The following KIF26B variants were observed in gnomAD, a reference collection of about 807,000 sequenced individuals.
The protein encoded by KIF26B is kinesin-like protein KIF26B.
KIF26B carries 63 observed loss-of-function variants against 151.2 expected under a neutral mutation model. That is an observed-to-expected ratio of 0.42 (90% CI 0.34 to 0.51). KIF26B has a LOEUF of 0.51. Among genes scored for constraint, KIF26B ranks in the 20% least tolerant of loss-of-function variants. The probability of loss-of-function intolerance (pLI) is 0.07; values close to 1 mark genes in which losing one functional copy is unlikely to be tolerated. For missense variants in KIF26B, 2,813 were observed against 2,913.6 expected, an observed-to-expected ratio of 0.97 and a Z score of 0.79; for synonymous variants, 1,357 against 1,262.1, an observed-to-expected ratio of 1.08 and a Z score of -1.59.
intron 2 of KIF26B, among the ~76,000 whole-genome samples, chr1:245,202,601 A>C (rs530648013): frequency 7.9e-5 from 12 of 152,204 alleles, no homozygotes; most frequent in African/African-American, 2.9e-4. Context: ...TTTACTAAAA[A>C]TACAAAAAAT....
chr1:245,215,207 A>G (rs1669619708), intron 2 of KIF26B, among the ~76,000 whole-genome samples: 1 of 152,118 alleles, frequency 6.6e-6, no homozygotes, highest in Admixed American at 6.5e-5. Flanking sequence ...TCTGGGTGCC[A>G]GATGGCAGCC....
intron 2 of KIF26B, among the ~76,000 whole-genome samples, chr1:245,321,247 T>A (rs1008859473): frequency 6.6e-6 from 1 of 152,224 alleles, no homozygotes; most frequent in Admixed American, 6.5e-5. Flanking sequence ...GTTGTAACCA[T>A]GTACTGTGCC....
chr1:245,669,269 C>T (rs145455693), intron 10 of KIF26B, among the ~76,000 whole-genome samples: 1 of 152,214 alleles, frequency 6.6e-6, no homozygotes, highest in African/African-American at 2.4e-5. Context: ...CAGGTATAGC[C>T]TATGTTAGAA....
intron 4 of KIF26B, among the ~76,000 whole-genome samples, chr1:245,421,620 G>T (rs1658488785): frequency 6.6e-6 from 1 of 152,128 alleles, no homozygotes; most frequent in South Asian, 2.1e-4. Flanking sequence ...TTTGAAAGTG[G>T]AGTCTTCCGT....
intron 2 of KIF26B, among the ~76,000 whole-genome samples, chr1:245,339,343 C>A (rs1405508174): frequency 6.6e-6 from 1 of 152,130 alleles, no homozygotes; most frequent in Admixed American, 6.5e-5. Flanking sequence ...CTAAGGCGGC[C>A]ATGTTGGTTT....
chr1:245,681,904 C>G (rs1245160078), intron 10 of KIF26B, among the ~76,000 whole-genome samples: 4 of 152,228 alleles, frequency 2.6e-5, no homozygotes, highest in Non-Finnish European at 5.9e-5. Context: ...CTTTTGTCAT[C>G]AGAGGTTCAC....
rs993648763 is a variant in KIF26B at position 245,352,836 on chromosome 1, C to T, written c.466-13998C>T. On this transcript the variant is annotated intron_variant, in intron 2 of 14. Coordinates refer to ENST00000407071, the MANE Select transcript of KIF26B (RefSeq NM_018012.4). This position sits in a 1 kb window ranked among gnomAD's most constrained non-coding sequence, Gnocchi z 5.0. ...TGGTTTCTTCCTAAAGAGATGTACA[C>T]GTGTGTGTGTGTGTGTGTGTGGTGG... 1.3e-5 allele frequency among the ~76,000 whole-genome samples: 2 copies of T among 148,738 alleles called. No homozygotes were observed. Among genetic ancestry groups the T allele is most frequent in the East Asian group, 2.0e-4 (1 of 5,104 alleles).
At chr1:245,219,104 C>A (rs1368882811) in intron 2 of KIF26B, among the ~76,000 whole-genome samples, 1 of 142,876 alleles carries the variant, frequency 7.0e-6, no homozygotes, top group Non-Finnish European at 1.5e-5. Flanking sequence ...TGTCATCACA[C>A]AGGAGGTAGC....
At chr1:245,366,648 G>C (rs1462685430) in intron 2 of KIF26B, among the ~76,000 whole-genome samples, 186 bp from the exon 3 acceptor site, 1 of 151,618 alleles carries the variant, frequency 6.6e-6, no homozygotes, top group Non-Finnish European at 1.5e-5. Flanking sequence ...TCTTACATTT[G>C]TCTAATGTGT....
chr1:245,330,710 G>A (rs1257199271), intron 2 of KIF26B, among the ~76,000 whole-genome samples: 1 of 66,522 alleles, frequency 1.5e-5, no homozygotes, highest in Non-Finnish European at 3.0e-5. Context: ...GGAGGAAATA[G>A]GGGGGTAATG....
At chr1:245,256,921 TGGA>T (rs1670547636) in intron 2 of KIF26B, among the ~76,000 whole-genome samples, 1 of 152,244 alleles carries the variant, frequency 6.6e-6, no homozygotes, top group Non-Finnish European at 1.5e-5. Context: ...CTACATTCTG[TGGA>T]GAATCTCCTT....
chr1:245,250,359 C>T (rs186166906), intron 2 of KIF26B, among the ~76,000 whole-genome samples: 1 of 152,352 alleles, frequency 6.6e-6, no homozygotes, highest in Non-Finnish European at 1.5e-5. Flanking sequence ...CAAGATTTAT[C>T]TATCCATTTG....
At chr1:245,620,949 C>T (rs1418556395) in intron 9 of KIF26B, among the ~76,000 whole-genome samples, 2 of 152,158 alleles carry the variant, frequency 1.3e-5, no homozygotes, top group Non-Finnish European at 2.9e-5. Context: ...GAGCCCTCAG[C>T]GTGCTGTGGG....
intron 7 of KIF26B, 145 bp from the exon 8 acceptor site, chr1:245,609,121 A>C: frequency 1.7e-5 from 12 of 696,622 alleles, no homozygotes; most frequent in Non-Finnish European, 2.7e-5. Context: ...GTCAAATACT[A>C]TTTCTCTCAT....
intron 9 of KIF26B, among the ~76,000 whole-genome samples, chr1:245,641,566 T>C (rs1027347614): frequency 1.3e-5 from 2 of 152,186 alleles, no homozygotes; most frequent in Admixed American, 6.5e-5. Flanking sequence ...CAAATAGTCT[T>C]GTCTTTGAGC....
At chr1:245,267,634 GCA>G (rs66498609) in intron 2 of KIF26B, among the ~76,000 whole-genome samples, 7,940 of 135,950 alleles carry the variant, frequency 0.058, 211 homozygotes, top group East Asian at 0.077. Flanking sequence ...GCTAAGTAAT[GCA>G]CACACACACA....
At chr1:245,628,124 C>T (rs1328131189) in intron 9 of KIF26B, among the ~76,000 whole-genome samples, 2 of 152,188 alleles carry the variant, frequency 1.3e-5, no homozygotes, top group Non-Finnish European at 2.9e-5. Flanking sequence ...CTCCCTAACT[C>T]ATTTTATGAG....
At chr1:245,287,375 T>C (rs949123689) in intron 2 of KIF26B, among the ~76,000 whole-genome samples, 2 of 152,214 alleles carry the variant, frequency 1.3e-5, no homozygotes, top group African/African-American at 4.8e-5. Context: ...CATATTGTTT[T>C]AGTTATTTCT....
chr1:245,316,028 G>C (rs1671767040), intron 2 of KIF26B, among the ~76,000 whole-genome samples: 1 of 152,158 alleles, frequency 6.6e-6, no homozygotes, highest in Non-Finnish European at 1.5e-5. Context: ...GCACAGTAAA[G>C]TGTGGGCCTA....
Sources: gnomAD v4.1 joint callset for allele counts (sites outside exome capture counted in the v4.1 genomes callset) on GRCh38, gnomAD v4.1.1 for gene constraint, Gnocchi (gnomAD v3.1) non-coding constraint, MANE v1.5 for transcripts, NCBI Gene and HGNC (gene_info 2026-07-23, HGNC 2026-07-21) for gene names.